LMTK2: variants seen among roughly 807,000 people sequenced by gnomAD.
LMTK2 encodes the protein serine/threonine-protein kinase LMTK2.
Under a neutral mutation model 127.5 loss-of-function variants are expected in LMTK2, and 37 were observed. The observed-to-expected ratio is 0.29, with a 90% CI of 0.22 to 0.38. The LOEUF (loss-of-function observed/expected upper bound fraction) is 0.38, where lower values mean the gene tolerates loss of function less well. Ranked by LOEUF, LMTK2 falls within the 10% of genes least tolerant of loss-of-function variation. The pLI is 1.00. For missense variants in LMTK2, 1,694 were observed against 1,920.3 expected, an observed-to-expected ratio of 0.88 and a Z score of 2.20; for synonymous variants, 819 against 810.1, an observed-to-expected ratio of 1.01 and a Z score of -0.19.
Position 98,191,778 on chromosome 7 carries a change from C to T in LMTK2, c.1313C>T (p.Ser438Phe), listed in dbSNP as rs1197984520. ...ALKPNTNSRD[S>F]SNNAAFPILD... ...AAGCCGAACACAAACAGCAGAGACTCCTCCAACAATGCTGCATTCCCAATT... is the reference window on the plus strand; with the variant it reads ...AAGCCGAACACAAACAGCAGAGACTTCTCCAACAATGCTGCATTCCCAATT... Residue 438 changes from serine (S) to phenylalanine (F), a missense_variant, in exon 11 of 14, where the codon TCC becomes TTC. Physicochemically the swap from Ser to Phe is radical, Grantham distance 155. Coordinates refer to ENST00000297293, the MANE Select transcript of LMTK2 (RefSeq NM_014916.4). 20 of 1,614,182 alleles carry T rather than the reference C, an allele frequency of 1.2e-5. No individual in the cohort carries two copies. Among genetic ancestry groups the T allele is most frequent in the Non-Finnish European group, 1.6e-5 (19 of 1,180,038 alleles).
rs1408638849 is a variant in LMTK2, at chr7:98,171,472, G to A, written c.658-69G>A. 7.5e-6 allele frequency: 12 copies of A among 1,597,010 alleles called. No individual in the cohort carries two copies. Among genetic ancestry groups the A allele is most frequent in the Middle Eastern group, 1.7e-4 (1 of 6,004 alleles). ...AATCTTAACAGTTAGTGTTCACCGA[G>A]GCACGTATTTAAGCGCTCACTTTAT... On this transcript the variant is annotated intron_variant, in intron 6 of 13. Transcript: ENST00000297293. The surrounding 1 kb of genome is among the most constrained non-coding windows in gnomAD (Gnocchi z 5.1).
chr7:98,174,117 A>G (rs145274294), intron 7 of LMTK2, among the ~76,000 whole-genome samples: 18 of 151,872 alleles, frequency 1.2e-4, no homozygotes, highest in East Asian at 9.6e-4. Flanking sequence ...AAAAAAAAAA[A>G]AAAAAGAAAA....
At chr7:98,172,436 G>T (rs1325046018) in intron 7 of LMTK2, among the ~76,000 whole-genome samples, 1 of 151,382 alleles carries the variant, frequency 6.6e-6, no homozygotes, top group African/African-American at 2.4e-5. Context: ...TTTGGAACAC[G>T]TTATATTTTG....
intron 6 of LMTK2, among the ~76,000 whole-genome samples, chr7:98,168,650 C>G (rs1797138866): frequency 6.6e-6 from 1 of 152,172 alleles, no homozygotes; most frequent in South Asian, 2.1e-4. Flanking sequence ...TGCAGAAAAG[C>G]TATATAAAGC....
chr7:98,187,004 T>G lies in LMTK2; in HGVS notation c.998+6T>G. 6.2e-7 allele frequency: 1 copy of G among 1,607,118 alleles called. No homozygotes were observed. ...ACTAAGTATAGTAATATCTGGTACG[T>G]ATTGGCTTACCGTTTTATTAGTCAT... On this transcript the variant is annotated splice_donor_region_variant and intron_variant, in intron 9 of 13. Transcript: ENST00000297293.
chr7:98,122,143 A>G (rs909519629), intron 1 of LMTK2, among the ~76,000 whole-genome samples: 1 of 152,258 alleles, frequency 6.6e-6, no homozygotes, highest in Admixed American at 6.5e-5. Flanking sequence ...ATTTGTAAAC[A>G]TGAAAGATAC....
At chr7:98,123,180 C>T (rs533460070) in intron 1 of LMTK2, among the ~76,000 whole-genome samples, 1 of 152,342 alleles carries the variant, frequency 6.6e-6, no homozygotes, top group East Asian at 1.9e-4. Flanking sequence ...GCTTGTAGCA[C>T]TGTTTGTTGC....
At position 98,194,586 on chromosome 7, in the gene LMTK2, C is replaced by G; in HGVS notation, c.4107+14C>G. On this transcript the variant is annotated intron_variant, in intron 11 of 13. Coordinates refer to ENST00000297293, the MANE Select transcript of LMTK2 (RefSeq NM_014916.4). The surrounding 1 kb of genome is among the most constrained non-coding windows in gnomAD (Gnocchi z 5.4). The stretch of plus-strand genomic sequence containing the variant: ...CTGTTTGACCAGGTATCTGTTCCCT[C>G]TAAATCATTTTCTATACACATCCAT... 5 of 1,587,592 alleles carry G rather than the reference C, an allele frequency of 3.1e-6. No individual in the cohort carries two copies. The highest frequency in any genetic ancestry group is 4.3e-6 in the Non-Finnish European group (5 of 1,172,062).
intron 5 of LMTK2, among the ~76,000 whole-genome samples, chr7:98,158,818 G>C (rs1379592432): frequency 6.6e-6 from 1 of 152,152 alleles, no homozygotes; most frequent in Non-Finnish European, 1.5e-5. Context: ...TCTCCCGCAG[G>C]TACTAAGGGA....
chr7:98,120,747 A>G lies in LMTK2; in HGVS notation c.103+13467A>G, dbSNP rs564921585. Reference sequence around the variant, plus strand: ...GTTGCTTCCCCGGATCCAGCCTGTCAGTTACTGAGCAGAGCCCCACTTGAC... The same window carrying G: ...GTTGCTTCCCCGGATCCAGCCTGTCGGTTACTGAGCAGAGCCCCACTTGAC... On this transcript the variant is annotated intron_variant, in intron 1 of 13. Transcript: ENST00000297293. 1.2e-4 allele frequency among the ~76,000 whole-genome samples: 19 copies of G among 152,220 alleles called. 1 individual carries two copies. Among genetic ancestry groups the G allele is most frequent in the South Asian group, 1.2e-3 (6 of 4,814 alleles).
chr7:98,136,171 G>A (rs549574289), intron 1 of LMTK2, among the ~76,000 whole-genome samples: 7 of 152,300 alleles, frequency 4.6e-5, no homozygotes, highest in African/African-American at 9.6e-5. Context: ...GGCTGGAATC[G>A]TTGGAGCCAC....
chr7:98,165,891 G>A (rs1797090015), intron 6 of LMTK2, among the ~76,000 whole-genome samples: 1 of 152,134 alleles, frequency 6.6e-6, no homozygotes, highest in Admixed American at 6.5e-5. Flanking sequence ...GGTGGATGGG[G>A]TCCCTGACCA....
At chr7:98,167,376 C>G (rs1222441754) in intron 6 of LMTK2, among the ~76,000 whole-genome samples, 1 of 152,270 alleles carries the variant, frequency 6.6e-6, no homozygotes, top group African/African-American at 2.4e-5. Flanking sequence ...CCCAGGCTAT[C>G]ACGGTTGGAT....
In LMTK2 at chr7:98,107,153, G is replaced by T; in HGVS notation, c.-25G>T. The T allele has an allele frequency of 7.1e-7, 1 of 1,417,740 alleles. No individual in the cohort carries two copies. Among genetic ancestry groups the T allele is most frequent in the Non-Finnish European group, 9.1e-7 (1 of 1,092,914 alleles). The allele number at this position is 1,417,740 out of a possible 1,614,324, so 87.8% of individuals were successfully genotyped here. On this transcript the variant is annotated 5_prime_UTR_variant, in exon 1 of 14. Transcript: ENST00000297293. ...CGGACGGAAGGCGACTCGAGGGCCG[G>T]CCCCGGAGCCGCGCCGTGGGCGAGA...
chr7:98,115,209 G>C (rs1389883505), intron 1 of LMTK2, among the ~76,000 whole-genome samples: 3 of 151,974 alleles, frequency 2.0e-5, no homozygotes, highest in East Asian at 1.9e-4. Context: ...GAGGTCAGGA[G>C]TTCAAGACCA....
chr7:98,123,180 C>G (rs533460070), intron 1 of LMTK2, among the ~76,000 whole-genome samples: 1 of 152,224 alleles, frequency 6.6e-6, no homozygotes, highest in Non-Finnish European at 1.5e-5. Context: ...GCTTGTAGCA[C>G]TGTTTGTTGC....
chr7:98,152,768 T>A (rs1349415587), intron 4 of LMTK2, among the ~76,000 whole-genome samples: 3 of 152,068 alleles, frequency 2.0e-5, no homozygotes, highest in Non-Finnish European at 4.4e-5. Context: ...TGAGTTACCT[T>A]TTTAAAAGGA....
rs1430746820 is a variant in LMTK2 at position 98,106,944 on chromosome 7, T to C, written c.-234T>C. ...CGCAGGGCTGCTGGCGTTGCTGCTG[T>C]TGAGAGGCGGCGGCGGCGGCGCAGG... is the stretch of plus-strand genomic sequence containing the variant. On this transcript the variant is annotated 5_prime_UTR_variant, in exon 1 of 14. Transcript: ENST00000297293. 7 of 467,114 alleles carry C rather than the reference T, an allele frequency of 1.5e-5. No individual in the cohort carries two copies. Among genetic ancestry groups the C allele is most frequent in the South Asian group, 6.9e-5 (2 of 28,862 alleles). 28.9% of individuals were successfully genotyped at this position (467,114 alleles called of 1,614,324 possible).
intron 2 of LMTK2, among the ~76,000 whole-genome samples, chr7:98,138,396 G>T (rs1396783867): frequency 5.9e-5 from 9 of 152,186 alleles, no homozygotes; most frequent in Non-Finnish European, 1.3e-4. Context: ...CCTTCTAGTA[G>T]CGCTGAGGAG....
Sources: gnomAD v4.1 joint callset for allele counts (sites outside exome capture counted in the v4.1 genomes callset) on GRCh38, gnomAD v4.1.1 for gene constraint, Gnocchi (gnomAD v3.1) non-coding constraint, MANE v1.5 for transcripts, NCBI Gene and HGNC (gene_info 2026-07-23, HGNC 2026-07-21) for gene names.